PUS7: variants seen among roughly 807,000 people sequenced by gnomAD.
PUS7 encodes pseudouridylate synthase 7 homolog.
A neutral mutation model predicts 79.8 loss-of-function variants in PUS7; 48 were observed. The observed-to-expected ratio is 0.60, with a 90% CI of 0.48 to 0.76. PUS7 has a LOEUF of 0.76. PUS7 is among the 30% of genes least tolerant of loss of function. The pLI, the probability that PUS7 is intolerant of heterozygous loss-of-function variation, is 0.00. For synonymous variants in PUS7, 286 were observed against 272.2 expected, an observed-to-expected ratio of 1.05 and a Z score of -0.50; for missense variants, 729 against 797.6, an observed-to-expected ratio of 0.91 and a Z score of 1.04.
At chr7:105,468,196 G>C (rs997431134) in intron 12 of PUS7, 141 bp downstream of exon 12, 6 of 1,131,476 alleles carry the variant, frequency 5.3e-6, no homozygotes, top group East Asian at 5.1e-5. Flanking sequence ...GCCACCCAAA[G>C]TGTCAGGATT....
intron 4 of PUS7, 51 bp from the exon 5 acceptor site, chr7:105,502,615 G>C: frequency 2.5e-6 from 4 of 1,584,880 alleles, no homozygotes; most frequent in Non-Finnish European, 3.5e-6. Context: ...ACATTAAATA[G>C]GGAAGTAATA....
At position 105,462,761 on chromosome 7, in the gene PUS7, A is replaced by C; in HGVS notation, c.1628-11T>G. 1 of 1,603,218 alleles carries C rather than the reference A, an allele frequency of 6.2e-7. No individual in the cohort carries two copies. Among genetic ancestry groups the C allele is most frequent in the Non-Finnish European group, 8.5e-7 (1 of 1,176,714 alleles). ...TGTAGGCTTCTTGAACTAATATAAA[A>C]TACAAAAAGTTAGTTGAAATGCAGC... On this transcript the variant is annotated splice_polypyrimidine_tract_variant and intron_variant, in intron 13 of 15. Transcript: ENST00000469408.
At chr7:105,516,358 C>A (rs1486473210) in intron 1 of PUS7, among the ~76,000 whole-genome samples, 4 of 152,174 alleles carry the variant, frequency 2.6e-5, no homozygotes, top group Non-Finnish European at 4.4e-5. Flanking sequence ...ACTAGAAGAA[C>A]TGTTCAGAGC....
At chr7:105,468,191 C>T (rs1334751226) in intron 12 of PUS7, 146 bp downstream of exon 12, 2 of 1,106,100 alleles carry the variant, frequency 1.8e-6, no homozygotes, top group South Asian at 1.8e-5. Context: ...CCTTGGCCAC[C>T]CAAAGTGTCA....
Position 105,457,762 on chromosome 7 carries a change from G to C in PUS7, c.*28C>G. 1.2e-6 allele frequency: 2 copies of C among 1,607,142 alleles called. No homozygotes were observed. Among genetic ancestry groups the C allele is most frequent in the East Asian group, 2.2e-5 (1 of 44,596 alleles). On this transcript the variant is annotated 3_prime_UTR_variant, in exon 16 of 16. Transcript: ENST00000469408. ...AGCCAGGAAGCAAACACTTGTGTACGTTTTCTAATCTGTGGACAAGGTACT... is the reference window on the plus strand; with the variant it reads ...AGCCAGGAAGCAAACACTTGTGTACCTTTTCTAATCTGTGGACAAGGTACT...
At chr7:105,495,933 G>C (rs1824994398) in intron 5 of PUS7, among the ~76,000 whole-genome samples, 1 of 151,906 alleles carries the variant, frequency 6.6e-6, no homozygotes, top group South Asian at 2.1e-4. Flanking sequence ...GCTGAGATGG[G>C]CGGATCACCT....
chr7:105,504,911 C>T (rs1347069907), intron 4 of PUS7, among the ~76,000 whole-genome samples: 7 of 152,042 alleles, frequency 4.6e-5, no homozygotes, highest in East Asian at 3.9e-4. Flanking sequence ...AGTTGTAGTA[C>T]GCTTATTAAC....
chr7:105,508,051 T>G (rs1463404429), intron 2 of PUS7, 64 bp downstream of exon 2: 1 of 1,492,704 alleles, frequency 6.7e-7, no homozygotes, highest in African/African-American at 1.4e-5. Flanking sequence ...AATATAAAGC[T>G]AATTTCTTTC....
chr7:105,469,916 A>C (rs183953228), intron 11 of PUS7, among the ~76,000 whole-genome samples: 85 of 152,312 alleles, frequency 5.6e-4, no homozygotes, highest in Non-Finnish European at 6.8e-4. Context: ...AAAAGTTTAC[A>C]AATTTGTGTG....
chr7:105,505,807 A>C (rs530407582), intron 4 of PUS7, 148 bp downstream of exon 4: 1 of 606,166 alleles, frequency 1.6e-6, no homozygotes, highest in Non-Finnish European at 2.9e-6. Context: ...CCCAGTAAAA[A>C]AATTTTTTAG....
At chr7:105,500,127 G>A (rs960440660) in intron 5 of PUS7, among the ~76,000 whole-genome samples, 1 of 152,154 alleles carries the variant, frequency 6.6e-6, no homozygotes, top group Non-Finnish European at 1.5e-5. Context: ...AGCCCAAGAA[G>A]TGTGGTTCTC....
intron 1 of PUS7, among the ~76,000 whole-genome samples, chr7:105,508,871 T>TAAAAAAAAAAAAAAAAAAAA (rs34249093): frequency 1.7e-4 from 4 of 22,926 alleles, no homozygotes; most frequent in Non-Finnish European, 3.2e-4. Flanking sequence ...GACATTGTCT[T>TAAAAAAAAAAAAAAAAAAAA]AAAAAAAAAA....
chr7:105,459,310 G>T, intron 14 of PUS7, 51 bp from the exon 15 acceptor site: 2 of 1,157,240 alleles, frequency 1.7e-6, no homozygotes, highest in Non-Finnish European at 2.5e-6. Context: ...TTCATAAAAG[G>T]TACTAAGCCA....
rs756519297 is a variant in PUS7, at chr7:105,494,402, A to ATTTT, written c.842+736_842+739dup. On this transcript the variant is annotated intron_variant, in intron 6 of 15. Coordinates refer to ENST00000469408, the MANE Select transcript of PUS7 (RefSeq NM_019042.5). ...ATGCACTTCCTATCCATGATCAGTG[A>ATTTT]TTTTTTTTTTTTTTTTTTTTTTTTT... Among the ~76,000 whole-genome samples, 150 of 87,812 alleles carry ATTTT rather than the reference A, an allele frequency of 1.7e-3. 5 individuals carry two copies. Among genetic ancestry groups the ATTTT allele is most frequent in the Non-Finnish European group, 2.5e-3 (113 of 44,984 alleles). The allele number at this position is 87,812 out of a possible 152,430, so 57.6% of individuals were successfully genotyped here. A position where few individuals can be genotyped will look rare whatever the true frequency, so the allele number is the denominator to read the frequency against.
At chr7:105,496,224 TATAGAGAGAGAG>T (rs1825023434) in intron 5 of PUS7, among the ~76,000 whole-genome samples, 2 of 83,980 alleles carry the variant, frequency 2.4e-5, no homozygotes, top group Non-Finnish European at 4.3e-5. Context: ...TATATATATA[TATAGAGAGAGAG>T]AGAGAGAGAG....
At chr7:105,520,548 AAATAAATAAAT>A (rs869133199) in intron 1 of PUS7, among the ~76,000 whole-genome samples, 11 of 149,532 alleles carry the variant, frequency 7.4e-5, no homozygotes, top group Non-Finnish European at 1.3e-4. Context: ...ATAAATAAAT[AAATAAATAAAT>A]AAAAATACAA....
rs1187178382 is a variant in PUS7 at position 105,470,674 on chromosome 7, C to A, written c.1398+14G>T. 2.6e-6 allele frequency: 4 copies of A among 1,549,330 alleles called. No individual in the cohort carries two copies. Among genetic ancestry groups the A allele is most frequent in the Non-Finnish European group, 1.7e-6 (2 of 1,143,254 alleles). The stretch of plus-strand genomic sequence containing the variant: ...CGCCTTGAGCCATTGCCTGACTTCA[C>A]AAATTGCACTCACTATGCCAAATGC... On this transcript the variant is annotated intron_variant, in intron 11 of 15. Coordinates refer to ENST00000469408, the MANE Select transcript of PUS7 (RefSeq NM_019042.5).
intron 13 of PUS7, among the ~76,000 whole-genome samples, chr7:105,464,234 T>TA (rs1586089249): frequency 1.4e-5 from 1 of 73,122 alleles, no homozygotes; most frequent in East Asian, 5.2e-4. Context: ...TGATTTTGGG[T>TA]GTCAACTTGA....
intron 5 of PUS7, among the ~76,000 whole-genome samples, chr7:105,502,191 G>GCAAATC (rs1825280487): frequency 1.3e-5 from 2 of 152,124 alleles, no homozygotes; most frequent in South Asian, 4.1e-4. Context: ...TATAATTTCA[G>GCAAATC]CAAATCTTTA....
Sources: allele counts gnomAD v4.1 joint callset (sites outside exome capture counted in the v4.1 genomes callset), GRCh38; gene constraint gnomAD v4.1.1; transcripts MANE v1.5; gene names NCBI Gene and HGNC (gene_info 2026-07-23, HGNC 2026-07-21).